FCRL1: variants seen among roughly 807,000 people sequenced by gnomAD.
FCRL1 encodes Fc receptor-like protein 1.
In FCRL1, 34 loss-of-function variants were observed where a neutral mutation model predicts 49.2. The observed-to-expected ratio is 0.69, with a 90% CI of 0.53 to 0.92. The LOEUF is 0.92. Among genes scored for constraint, FCRL1 ranks in the 40% least tolerant of loss-of-function variants. The probability of loss-of-function intolerance (pLI) is 0.00; values close to 1 mark genes in which losing one functional copy is unlikely to be tolerated. For missense variants in FCRL1, 524 were observed against 524.1 expected (o/e 1.00, Z 0.00); for synonymous variants, 218 against 201.6 (o/e 1.08, Z -0.69).
At chr1:157,816,387 C>A (rs1437169082) in intron 1 of FCRL1, among the ~76,000 whole-genome samples, 1 of 151,810 alleles carries the variant, frequency 6.6e-6, no homozygotes, top group Non-Finnish European at 1.5e-5. Flanking sequence ...TGACAAAATT[C>A]AACATCCATT....
At chr1:157,805,374 T>C (rs1653269787) in intron 2 of FCRL1, among the ~76,000 whole-genome samples, 1 of 152,286 alleles carries the variant, frequency 6.6e-6, no homozygotes, top group Non-Finnish European at 1.5e-5. Flanking sequence ...AAAATGACAA[T>C]TGCTTTGGAT....
intron 2 of FCRL1, among the ~76,000 whole-genome samples, chr1:157,804,447 T>C (rs1382554694): frequency 6.6e-6 from 1 of 152,236 alleles, no homozygotes; most frequent in Non-Finnish European, 1.5e-5. Flanking sequence ...AGACTGTTAC[T>C]GGAGTCGGCA....
In FCRL1 at chr1:157,798,146, T is replaced by C; in HGVS notation, c.1114+15A>G. On this transcript the variant is annotated intron_variant, in intron 8 of 10. Coordinates refer to ENST00000368176, the MANE Select transcript of FCRL1 (RefSeq NM_052938.5). Reference sequence around the variant, plus strand: ...GCTGTACCATCGTTGGCCTGGGCCATTTGGGAAGGCTCACCATTTTCATAT... The same window carrying C: ...GCTGTACCATCGTTGGCCTGGGCCACTTGGGAAGGCTCACCATTTTCATAT... 2 of 1,606,966 alleles carry C rather than the reference T, an allele frequency of 1.2e-6. No individual in the cohort carries two copies. Among genetic ancestry groups the C allele is most frequent in the Non-Finnish European group, 1.7e-6 (2 of 1,175,698 alleles).
At chr1:157,805,953 A>G (rs1422001655) in intron 2 of FCRL1, among the ~76,000 whole-genome samples, 1 of 152,210 alleles carries the variant, frequency 6.6e-6, no homozygotes, top group Non-Finnish European at 1.5e-5. Context: ...CAATGGGGCT[A>G]GGGTGGTAAT....
chr1:157,815,642 A>G (rs1266210657), intron 1 of FCRL1, among the ~76,000 whole-genome samples: 1 of 151,908 alleles, frequency 6.6e-6, no homozygotes, highest in Non-Finnish European at 1.5e-5. Flanking sequence ...CTAGAAAAAC[A>G]ATACAAAAGA....
chr1:157,818,754 C>A (rs1655401566), intron 1 of FCRL1, among the ~76,000 whole-genome samples: 1 of 152,014 alleles, frequency 6.6e-6, no homozygotes, highest in Non-Finnish European at 1.5e-5. Context: ...AGTTGCACCA[C>A]TCAGTGATTG....
rs756516538 is a variant in FCRL1, at chr1:157,801,945, G to C, written c.856C>G (p.Arg286Gly). 2 of 1,614,096 alleles carry C rather than the reference G, an allele frequency of 1.2e-6. No homozygotes were observed. The highest frequency in any genetic ancestry group is 1.7e-6 in the Non-Finnish European group (2 of 1,179,954). The change falls in exon 5 of 11, where the codon CGC (arginine) becomes GGC (glycine). Residue 286 changes from arginine to glycine, a missense_variant. Physicochemically the swap from Arg to Gly is moderately radical, Grantham distance 125. Coordinates refer to ENST00000368176, the MANE Select transcript of FCRL1 (RefSeq NM_052938.5). Reference sequence around the variant, plus strand: ...AAGTTGAGTGTCACCGCCTCACTGCGCTGGGCCCCCAGGCCATTGTTGGCC... The same window carrying C: ...AAGTTGAGTGTCACCGCCTCACTGCCCTGGGCCCCCAGGCCATTGTTGGCC... ...CEANNGLGAQ[R>G]SEAVTLNFTV...
At chr1:157,800,313 C>T (rs1049973736) in intron 6 of FCRL1, among the ~76,000 whole-genome samples, 1 of 152,164 alleles carries the variant, frequency 6.6e-6, no homozygotes, top group Non-Finnish European at 1.5e-5. Context: ...CCAATTAGTA[C>T]CAGATCTAGG....
At chr1:157,816,128 C>T (rs1654985563) in intron 1 of FCRL1, among the ~76,000 whole-genome samples, 1 of 151,852 alleles carries the variant, frequency 6.6e-6, no homozygotes, top group South Asian at 2.1e-4. Context: ...GATGCCAAAA[C>T]CAGACAAAAA....
At chr1:157,799,937 AG>A in intron 7 of FCRL1, 120 bp downstream of exon 7, 1 of 661,280 alleles carries the variant, frequency 1.5e-6, no homozygotes, top group Non-Finnish European at 2.3e-6. Flanking sequence ...GGGAGAACTC[AG>A]GAGTGAGTTC....
At chr1:157,801,717 T>C (rs1010391395) in intron 5 of FCRL1, 140 bp from the exon 6 acceptor site, 2 of 862,896 alleles carry the variant, frequency 2.3e-6, no homozygotes, top group African/African-American at 3.4e-5. Flanking sequence ...TTGTGGCTTA[T>C]CATCTTTATG....
Position 157,795,376 on chromosome 1 carries a change from A to C in FCRL1, c.*723T>G, listed in dbSNP as rs1174491246. On this transcript the variant is annotated 3_prime_UTR_variant, in exon 11 of 11. Coordinates refer to ENST00000368176, the MANE Select transcript of FCRL1 (RefSeq NM_052938.5). Reference sequence around the variant, plus strand: ...TCTCAATTTAAAAAAAAAATAATTAAGATACAGGTTTCAAACCATATTACC... The same window carrying C: ...TCTCAATTTAAAAAAAAAATAATTACGATACAGGTTTCAAACCATATTACC... 6.6e-6 allele frequency: 1 copy of C among 152,188 alleles called. No homozygotes were observed. The highest frequency in any genetic ancestry group is 1.5e-5 in the Non-Finnish European group (1 of 68,046). 9.4% of individuals were successfully genotyped at this position (152,188 alleles called of 1,614,324 possible).
rs1651412110 is a variant in FCRL1 at position 157,796,045 on chromosome 1, G to A, written c.*54C>T. 2.1e-6 allele frequency: 3 copies of A among 1,441,046 alleles called. No homozygotes were observed. The highest frequency in any genetic ancestry group is 1.7e-5 in the Admixed American group (1 of 59,768). 89.3% of individuals were successfully genotyped at this position (1,441,046 alleles called of 1,614,324 possible). On this transcript the variant is annotated 3_prime_UTR_variant, in exon 11 of 11. Coordinates refer to ENST00000368176, the MANE Select transcript of FCRL1 (RefSeq NM_052938.5). ...CCCAGGATCTCTGAAGAACATATCA[G>A]GCCTGAGGCTTGGGGTCATGGATGG...
At chr1:157,807,990 T>G (rs11803853) in intron 1 of FCRL1, among the ~76,000 whole-genome samples, 8,774 of 152,314 alleles carry the variant, frequency 0.058, 357 homozygotes, top group South Asian at 0.18. Flanking sequence ...GTCATTACTA[T>G]TATTTATTTT....
intron 1 of FCRL1, among the ~76,000 whole-genome samples, chr1:157,816,319 T>A (rs1043745238): frequency 6.6e-6 from 1 of 151,808 alleles, no homozygotes; most frequent in East Asian, 1.9e-4. Context: ...AAATGATACA[T>A]CACATTAACA....
chr1:157,819,486 A>G (rs1571433383), intron 1 of FCRL1, among the ~76,000 whole-genome samples: 1 of 152,116 alleles, frequency 6.6e-6, no homozygotes, highest in African/African-American at 2.4e-5. Flanking sequence ...GATAATGGAA[A>G]AGTAGCCCTG....
In FCRL1 at chr1:157,820,053, G is replaced by T; in HGVS notation, c.-16C>A. 6.2e-7 allele frequency: 1 copy of T among 1,614,094 alleles called. No individual in the cohort carries two copies. Among genetic ancestry groups the T allele is most frequent in the African/African-American group, 1.3e-5 (1 of 75,014 alleles). On this transcript the variant is annotated 5_prime_UTR_variant, in exon 1 of 11. Transcript: ENST00000368176. Reference sequence around the variant, plus strand: ...TCGGCAGCATGAGGACCAGGTCAGGGATGGTACCTAGAGATGCCTCTCATC... The same window carrying T: ...TCGGCAGCATGAGGACCAGGTCAGGTATGGTACCTAGAGATGCCTCTCATC...
rs943528012 is a variant in FCRL1, at chr1:157,815,682, A to T, written c.31+4325T>A. Among the ~76,000 whole-genome samples the T allele has an allele frequency of 6.6e-5, 10 of 151,894 alleles. 1 individual carries two copies. Among genetic ancestry groups the T allele is most frequent in the Admixed American group, 5.9e-4 (9 of 15,270 alleles). On this transcript the variant is annotated intron_variant, in intron 1 of 10. Coordinates refer to ENST00000368176, the MANE Select transcript of FCRL1 (RefSeq NM_052938.5). Reference sequence around the variant, plus strand: ...TGAAATGAGTCAGTCTTTTAAAAAGATAAACAAAATTGACAAACTAGCTAG... The same window carrying T: ...TGAAATGAGTCAGTCTTTTAAAAAGTTAAACAAAATTGACAAACTAGCTAG...
Position 157,801,555 on chromosome 1 carries a change from A to G in FCRL1, c.909T>C (p.Asn303=), listed in dbSNP as rs918538930. The change falls in exon 6 of 11, where the codon AAT becomes AAC. Residue 303 remains asparagine (N), a synonymous_variant. Transcript: ENST00000368176. ...NFTVPTGARS[N]HLTSGVIEGL... ...CCTCAATGACTCCTGAGGTAAGATG[A>G]TTGCTTCTGGCCCCAGTAGGCACTA... 2 of 1,613,536 alleles carry G rather than the reference A, an allele frequency of 1.2e-6. No individual in the cohort carries two copies. Among genetic ancestry groups the G allele is most frequent in the African/African-American group, 2.7e-5 (2 of 74,894 alleles).
Sources: gnomAD v4.1 joint callset for allele counts (sites outside exome capture counted in the v4.1 genomes callset) on GRCh38, gnomAD v4.1.1 for gene constraint, MANE v1.5 for transcripts, NCBI Gene and HGNC (gene_info 2026-07-23, HGNC 2026-07-21) for gene names.